IQCM: variants seen among roughly 807,000 people sequenced by gnomAD.
IQCM encodes IQ motif containing M.
In IQCM, 45 loss-of-function variants were observed where a neutral mutation model predicts 57.6. The observed-to-expected ratio is 0.78, with a 90% CI of 0.62 to 1.00. The LOEUF is 1.00. Ranked by LOEUF, IQCM falls within the 50% of genes least tolerant of loss-of-function variation. The pLI is 0.00. For missense variants in IQCM, 468 were observed against 511.6 expected (o/e 0.91, Z 0.82); for synonymous variants, 148 against 158.9 (o/e 0.93, Z 0.51).
At chr4:149,724,201 T>C (rs1765692754) in intron 5 of IQCM, among the ~76,000 whole-genome samples, 1 of 152,004 alleles carries the variant, frequency 6.6e-6, no homozygotes, top group Admixed American at 6.6e-5. Flanking sequence ...TCCCCACAGA[T>C]ACCAAGGAAT....
intron 5 of IQCM, among the ~76,000 whole-genome samples, chr4:149,708,295 T>G (rs563166708): frequency 3.9e-5 from 6 of 152,164 alleles, no homozygotes; most frequent in Non-Finnish European, 8.8e-5. Context: ...CAAGTTATAC[T>G]TATATCCCTA....
At chr4:149,600,887 C>T (rs1754214481) in intron 8 of IQCM, among the ~76,000 whole-genome samples, 1 of 152,106 alleles carries the variant, frequency 6.6e-6, no homozygotes. Context: ...TTTTTCAGGA[C>T]AATTTTGACA....
At chr4:149,472,234 C>T (rs566519504) in intron 12 of IQCM, among the ~76,000 whole-genome samples, 31 of 152,294 alleles carry the variant, frequency 2.0e-4, no homozygotes, top group South Asian at 1.5e-3. Context: ...ATCATCTCAG[C>T]CCAAAATCTC....
chr4:149,530,844 A>C (rs1467623197), intron 12 of IQCM, among the ~76,000 whole-genome samples: 2 of 120,244 alleles, frequency 1.7e-5, no homozygotes, highest in East Asian at 2.8e-4. Context: ...TTCAGTTAAC[A>C]TCATAGCCTA....
rs1459401671 is a variant in IQCM, at chr4:149,812,480, T to TCTCTCA, written c.-49+2830_-49+2831insTGAGAG. Reference sequence around the variant, plus strand: ...AGATCTCTCTCTCTCTCTCTCTCTCTCACACACACACACACACACACAGAC... The same window carrying TCTCTCA: ...AGATCTCTCTCTCTCTCTCTCTCTCTCTCTCACACACACACACACACACACACAGAC... On this transcript the variant is annotated intron_variant, in intron 2 of 13. Coordinates refer to ENST00000636793, the MANE Select transcript of IQCM (RefSeq NM_001363507.2). Among the ~76,000 whole-genome samples, 10 of 138,888 alleles carry TCTCTCA rather than the reference T, an allele frequency of 7.2e-5. No individual in the cohort carries two copies. In the East Asian group the frequency reaches 1.8e-3, roughly 25 times the overall value. The allele number at this position is 138,888 out of a possible 152,430, so 91.1% of individuals were successfully genotyped here.
intron 2 of IQCM, among the ~76,000 whole-genome samples, chr4:149,796,727 C>T (rs78397738): frequency 0.015 from 2,348 of 152,156 alleles, 160 homozygotes; most frequent in East Asian, 0.14. Flanking sequence ...AAAGAGACTC[C>T]ATTTGTTTGA....
chr4:149,520,750 A>G (rs992807112), intron 12 of IQCM, among the ~76,000 whole-genome samples: 1 of 152,192 alleles, frequency 6.6e-6, no homozygotes, highest in African/African-American at 2.4e-5. Context: ...ATGCCAAGAC[A>G]TCATACTTCC....
chr4:149,579,355 C>T (rs763839208), intron 9 of IQCM, among the ~76,000 whole-genome samples: 3 of 151,796 alleles, frequency 2.0e-5, no homozygotes, highest in Non-Finnish European at 4.4e-5. Context: ...CAGAAGGCCC[C>T]GATTTAGCCT....
At chr4:149,394,195 T>C (rs1377945787) in intron 13 of IQCM, among the ~76,000 whole-genome samples, 1 of 152,034 alleles carries the variant, frequency 6.6e-6, no homozygotes, top group Non-Finnish European at 1.5e-5. Context: ...TGCATTTATT[T>C]TGATGAGTAC....
At chr4:149,725,151 A>G (rs1765782204) in intron 5 of IQCM, among the ~76,000 whole-genome samples, 2 of 152,202 alleles carry the variant, frequency 1.3e-5, no homozygotes, top group African/African-American at 4.8e-5. Context: ...CTTTAAGTTG[A>G]TATCCTTGGA....
intron 2 of IQCM, among the ~76,000 whole-genome samples, chr4:149,775,983 A>G (rs900849116): frequency 6.6e-6 from 1 of 152,028 alleles, no homozygotes; most frequent in Non-Finnish European, 1.5e-5. Context: ...TTTATCATTC[A>G]CTCTAGGACA....
At chr4:149,653,440 A>G (rs1759369228) in intron 7 of IQCM, among the ~76,000 whole-genome samples, 1 of 152,100 alleles carries the variant, frequency 6.6e-6, no homozygotes, top group African/African-American at 2.4e-5. Context: ...CTTTCTTTCT[A>G]TGTATATATC....
intron 13 of IQCM, among the ~76,000 whole-genome samples, chr4:149,366,862 T>G (rs780641490): frequency 6.6e-6 from 1 of 151,954 alleles, no homozygotes; most frequent in Non-Finnish European, 1.5e-5. Flanking sequence ...AATAAAATGC[T>G]GGGGAAAAAT....
chr4:149,503,426 C>T (rs1743470935), intron 12 of IQCM, among the ~76,000 whole-genome samples: 1 of 152,040 alleles, frequency 6.6e-6, no homozygotes, highest in Non-Finnish European at 1.5e-5. Flanking sequence ...AGATTAAAGA[C>T]ATTTGAGGAT....
chr4:149,565,712 A>G (rs1283031905), intron 9 of IQCM, among the ~76,000 whole-genome samples: 1 of 152,164 alleles, frequency 6.6e-6, no homozygotes, highest in Non-Finnish European at 1.5e-5. Flanking sequence ...AAGCACAGAA[A>G]ATTGTGCTGT....
intron 8 of IQCM, among the ~76,000 whole-genome samples, chr4:149,613,526 C>A (rs1755494281): frequency 6.6e-6 from 1 of 151,826 alleles, no homozygotes; most frequent in Non-Finnish European, 1.5e-5. Flanking sequence ...TCAAAATTAA[C>A]CTGATGTGAA....
At chr4:149,580,639 T>G (rs1454554764) in intron 9 of IQCM, among the ~76,000 whole-genome samples, 1 of 151,742 alleles carries the variant, frequency 6.6e-6, no homozygotes, top group Non-Finnish European at 1.5e-5. Context: ...GATTGGGTGG[T>G]CTTGGGTGAT....
intron 2 of IQCM, among the ~76,000 whole-genome samples, chr4:149,789,269 A>G (rs1342586638): frequency 6.6e-6 from 1 of 152,214 alleles, no homozygotes; most frequent in Non-Finnish European, 1.5e-5. Context: ...GACCCCATAA[A>G]TATTTAAAAT....
At chr4:149,701,157 G>T (rs1178126933) in intron 5 of IQCM, among the ~76,000 whole-genome samples, 2 of 152,010 alleles carry the variant, frequency 1.3e-5, no homozygotes, top group Non-Finnish European at 2.9e-5. Flanking sequence ...AGAACTGAAA[G>T]AATTCATTTA....
Sources: gnomAD v4.1 joint callset for allele counts (sites outside exome capture counted in the v4.1 genomes callset) on GRCh38, gnomAD v4.1.1 for gene constraint, MANE v1.5 for transcripts, NCBI Gene and HGNC (gene_info 2026-07-23, HGNC 2026-07-21) for gene names.